The following MED16 variants were observed in gnomAD, a reference collection of about 807,000 sequenced individuals.
MED16 encodes the protein mediator of RNA polymerase II transcription subunit 16.
MED16 carries 81 observed loss-of-function variants against 84.4 expected under a neutral mutation model. That is an observed-to-expected ratio of 0.96 (90% confidence interval 0.80 to 1.15). MED16 has a LOEUF of 1.15. MED16 is among the 50% of genes most tolerant of loss of function. MED16 has a pLI of 0.00. For missense variants in MED16, 1,585 were observed against 1,245.9 expected, an observed-to-expected ratio of 1.27 and a Z score of -4.10; for synonymous variants, 897 against 552.2, an observed-to-expected ratio of 1.62 and a Z score of -8.76.
intron 6 of MED16, among the ~76,000 whole-genome samples, chr19:883,240 G>A (rs2036456087): frequency 6.6e-6 from 1 of 151,746 alleles, no homozygotes; most frequent in African/African-American, 2.4e-5. Flanking sequence ...AGCCTGGCAT[G>A]GTGGGCACGT....
At chr19:884,748 C>T (rs569060162) in intron 6 of MED16, among the ~76,000 whole-genome samples, 155 bp downstream of exon 6, 12 of 152,320 alleles carry the variant, frequency 7.9e-5, no homozygotes, top group Admixed American at 2.6e-4. Context: ...CGGTCACACC[C>T]GAGATCCTAG....
chr19:878,231 ACCAGCC>A (rs375632523), intron 8 of MED16, among the ~76,000 whole-genome samples: 6,854 of 49,152 alleles, frequency 0.14, 977 homozygotes, highest in East Asian at 0.22. Flanking sequence ...GTCAATGCCC[ACCAGCC>A]CCAGCCCCAG....
intron 6 of MED16, among the ~76,000 whole-genome samples, chr19:884,191 T>C (rs2036478010): frequency 6.6e-6 from 1 of 152,082 alleles, no homozygotes; most frequent in Admixed American, 6.6e-5. Flanking sequence ...ACATCTCCCT[T>C]CTCCAGAGCG....
Position 871,218 on chromosome 19 carries a change from C to T in MED16, c.2134G>A (p.Ala712Thr). Residue 712 changes from alanine (A) to threonine (T), a missense_variant, in exon 13 of 16, where the codon GCG (alanine) becomes ACG (threonine). Transcript: ENST00000325464. ...AGCAGGCAGCATTCATCCACCAGCG[C>T]CTCGTCCGGCTCGCTCGCTGGGCCC... ...DEGPASEPDE[A>T]LVDECCLLPS... 6.5e-7 allele frequency: 1 copy of T among 1,547,324 alleles called. No individual in the cohort carries two copies.
chr19:890,509 G>A lies in MED16; in HGVS notation c.170-265C>T, dbSNP rs187438493. Reference sequence around the variant, plus strand: ...GAACAGTGGGAGCCTCTCCACAGCAGATAATAGGTGGCTTTTTTGCACCCC... The same window carrying A: ...GAACAGTGGGAGCCTCTCCACAGCAAATAATAGGTGGCTTTTTTGCACCCC... On this transcript the variant is annotated intron_variant, in intron 2 of 15. Transcript: ENST00000325464. 87 of 412,090 alleles carry A rather than the reference G, an allele frequency of 2.1e-4. No homozygotes were observed. In the Admixed American group the frequency reaches 3.5e-3, roughly 17 times the overall value. The allele number at this position is 412,090 out of a possible 1,614,324, so 25.5% of individuals were successfully genotyped here. A position where few individuals can be genotyped will look rare whatever the true frequency, so the allele number is the denominator to read the frequency against.
intron 11 of MED16, chr19:872,909 T>C (rs959403027): frequency 5.9e-6 from 6 of 1,022,262 alleles, no homozygotes; most frequent in Non-Finnish European, 7.1e-6. Flanking sequence ...GAAAGGCTTC[T>C]TACAGCAGAG....
At chr19:873,678 AC>A in intron 10 of MED16, 96 bp from the exon 11 acceptor site, 1 of 1,419,816 alleles carries the variant, frequency 7.0e-7, no homozygotes, top group Non-Finnish European at 9.7e-7. Flanking sequence ...CTGAGTGCCC[AC>A]CCAGTACCAG....
chr19:890,988 G>C lies in MED16; in HGVS notation c.144C>G (p.Thr48=), dbSNP rs1039223563. 6.2e-7 allele frequency: 1 copy of C among 1,613,988 alleles called. No homozygotes were observed. The highest frequency in any genetic ancestry group is 1.1e-5 in the South Asian group (1 of 91,076). Residue 48 remains threonine, a synonymous_variant, in exon 2 of 16, where the codon ACC becomes ACG. Transcript: ENST00000325464. ...AWSCRNLIAF[T]MDLRSDDQDL... is the part of the protein sequence containing the mutation. ...CCTGGTCATCGCTGCGCAGGTCCATGGTGAAGGCGATGAGATTTCGGCAGG... is the reference window on the plus strand; with the variant it reads ...CCTGGTCATCGCTGCGCAGGTCCATCGTGAAGGCGATGAGATTTCGGCAGG...
intron 4 of MED16, among the ~76,000 whole-genome samples, chr19:887,672 A>T (rs1000391509): frequency 1.1e-4 from 17 of 151,776 alleles, no homozygotes; most frequent in Non-Finnish European, 1.8e-4. Context: ...TCTCAAAAAA[A>T]ATGTATTTGG....
At chr19:878,925 C>CCCGGCA (rs1568326600) in intron 8 of MED16, among the ~76,000 whole-genome samples, 1 of 34,334 alleles carries the variant, frequency 2.9e-5, no homozygotes, top group East Asian at 1.2e-3. Flanking sequence ...CAGCCCCGGC[C>CCCGGCA]CCGGCCCCGG....
intron 4 of MED16, among the ~76,000 whole-genome samples, chr19:888,742 C>T (rs1309959772): frequency 6.6e-6 from 1 of 152,160 alleles, no homozygotes; most frequent in Admixed American, 6.5e-5. Flanking sequence ...CGGAGGGCCC[C>T]CGTGGCACGA....
At chr19:881,527 G>A in intron 7 of MED16, 32 bp downstream of exon 7, 1 of 1,591,496 alleles carries the variant, frequency 6.3e-7, no homozygotes, top group Non-Finnish European at 8.6e-7. Flanking sequence ...GTGAACTGAG[G>A]CCCCGCGTGG....
intron 8 of MED16, 72 bp from the exon 9 acceptor site, chr19:877,252 C>T: frequency 1.4e-6 from 2 of 1,462,622 alleles, no homozygotes; most frequent in Non-Finnish European, 1.9e-6. Flanking sequence ...GGAATGGGGC[C>T]CTGGGGCTGC....
In MED16 at chr19:886,100, C is replaced by T. The variant is rs751532961; in HGVS notation, c.549G>A (p.Thr183=). 2.1e-5 allele frequency: 34 copies of T among 1,589,418 alleles called. No individual in the cohort carries two copies. Among genetic ancestry groups the T allele is most frequent in the East Asian group, 6.8e-5 (3 of 44,416 alleles). Residue 183 remains threonine, a synonymous_variant, in exon 5 of 16, where the codon ACG becomes ACA. Coordinates refer to ENST00000325464, the MANE Select transcript of MED16 (RefSeq NM_005481.3). ...GGGACACGGTGACCAGGCCGCTGAC[C>T]GTCACCGCGATCCAGCCCTCCATGG... The part of the protein sequence containing the change: ...GKPMEGWIAV[T]VSGLVTVSLL...
rs529041716 is a variant in MED16, at chr19:880,484, C to A, written c.1142-336G>T. Among the ~76,000 whole-genome samples, 4 of 152,188 alleles carry A rather than the reference C, an allele frequency of 2.6e-5. No homozygotes were observed. The South Asian group carries it at 8.3e-4, about 32-fold the overall frequency. ...GGGGACCAAGGGTTGGGGCTCCTGG[C>A]GTCCCAAAGAGAGGCATCTTAGGGT... is the stretch of plus-strand genomic sequence containing the variant. On this transcript the variant is annotated intron_variant, in intron 7 of 15. Coordinates refer to ENST00000325464, the MANE Select transcript of MED16 (RefSeq NM_005481.3).
At chr19:869,233 G>A (rs922256433) in intron 13 of MED16, among the ~76,000 whole-genome samples, 4 of 152,320 alleles carry the variant, frequency 2.6e-5, no homozygotes, top group South Asian at 2.1e-4. Context: ...CAGGGACGAG[G>A]GTCGGTCCGC....
chr19:889,017 C>A, intron 4 of MED16, among the ~76,000 whole-genome samples: 1 of 150,498 alleles, frequency 6.6e-6, no homozygotes, highest in Admixed American at 6.6e-5. Flanking sequence ...AACCCAGGTG[C>A]CCCCCCAACC....
At chr19:878,559 C>T (rs1347576639) in intron 8 of MED16, among the ~76,000 whole-genome samples, 1 of 10,488 alleles carries the variant, frequency 9.5e-5, no homozygotes, top group African/African-American at 4.1e-4. Context: ...GCCCACCAGC[C>T]CCAGCCCCAG....
intron 6 of MED16, among the ~76,000 whole-genome samples, chr19:884,658 A>G (rs972238384): frequency 3.3e-5 from 5 of 152,106 alleles, no homozygotes; most frequent in Non-Finnish European, 4.4e-5. Context: ...CCTCGCACAG[A>G]ATGGTGGCAG....
Sources: gnomAD v4.1 joint callset for allele counts (sites outside exome capture counted in the v4.1 genomes callset) on GRCh38, gnomAD v4.1.1 for gene constraint, MANE v1.5 for transcripts, NCBI Gene and HGNC (gene_info 2026-07-23, HGNC 2026-07-21) for gene names.